The following SRGAP3 variants were observed in gnomAD, a reference collection of about 807,000 sequenced individuals.
SRGAP3 encodes the protein SLIT-ROBO Rho GTPase-activating protein 3.
SRGAP3 carries 39 observed loss-of-function variants against 121.1 expected under a neutral mutation model. The observed-to-expected ratio is 0.32, with a 90% CI of 0.25 to 0.42. SRGAP3 has a LOEUF of 0.42. SRGAP3 is among the 10% of genes least tolerant of loss of function. The probability of loss-of-function intolerance (pLI) is 1.00; values close to 1 mark genes in which losing one functional copy is unlikely to be tolerated. For synonymous variants in SRGAP3, 601 were observed against 570.0 expected (o/e 1.05, Z -0.77); for missense variants, 1,213 against 1,470.6 (o/e 0.82, Z 2.86).
chr3:9,122,708 CAAAAAAAAAA>C (rs1243147025), intron 2 of SRGAP3, among the ~76,000 whole-genome samples: 3 of 66,214 alleles, frequency 4.5e-5, no homozygotes, highest in Non-Finnish European at 9.9e-5. Context: ...GACTCCGTCT[CAAAAAAAAAA>C]AAAAAAAAGG....
At chr3:9,345,242 G>C (rs1955862900) in intron 1 of SRGAP3, among the ~76,000 whole-genome samples, 1 of 152,148 alleles carries the variant, frequency 6.6e-6, no homozygotes, top group Admixed American at 6.5e-5. Context: ...TGTAATCTCA[G>C]CAATTCGGGA....
rs747680361 is a variant in SRGAP3, at chr3:9,015,554, T to C, written c.1813+43A>G. On this transcript the variant is annotated intron_variant, in intron 15 of 21. Transcript: ENST00000383836. ...TAAGCCTGTAGCTCAACTCCAACAA[T>C]GATTTGTCAAAAAACTGATCATTTC... The C allele has an allele frequency of 1.1e-5, 18 of 1,612,222 alleles. No individual in the cohort carries two copies. In the Middle Eastern group the frequency reaches 1.1e-3, roughly 98 times the overall value.
chr3:9,215,641 C>T (rs1014411153), intron 1 of SRGAP3, among the ~76,000 whole-genome samples: 1 of 152,224 alleles, frequency 6.6e-6, no homozygotes, highest in Non-Finnish European at 1.5e-5. Context: ...TGTGGGTTGG[C>T]ACCAGCCAAT....
intron 1 of SRGAP3, among the ~76,000 whole-genome samples, chr3:9,216,383 T>C (rs1952626587): frequency 6.6e-6 from 1 of 152,138 alleles, no homozygotes; most frequent in South Asian, 2.1e-4. Flanking sequence ...ATCTGCAATA[T>C]AAGGGACAGT....
In SRGAP3 at chr3:9,093,964, C is replaced by T. The variant is rs370443336; in HGVS notation, c.423+10716G>A. Among the ~76,000 whole-genome samples the T allele has an allele frequency of 6.6e-5, 10 of 152,260 alleles. No individual in the cohort carries two copies. In the South Asian group the frequency reaches 2.1e-3, roughly 32 times the overall value. ...AAAACATGCAGAAAAGGAGAGCGAA[C>T]AATAACAAACACCCAGGAACACATC... On this transcript the variant is annotated intron_variant, in intron 3 of 21. Transcript: ENST00000383836.
intron 14 of SRGAP3, 59 bp from the exon 15 acceptor site, chr3:9,015,790 C>T: frequency 6.2e-7 from 1 of 1,606,696 alleles, no homozygotes; most frequent in East Asian, 2.2e-5. Flanking sequence ...AGAGAACGTG[C>T]AGATGGCCGA....
At chr3:9,238,528 G>C (rs1238534004) in intron 1 of SRGAP3, among the ~76,000 whole-genome samples, 1 of 152,140 alleles carries the variant, frequency 6.6e-6, no homozygotes, top group African/African-American at 2.4e-5. Context: ...AGATTTCCTA[G>C]ACCAAAGTGG....
intron 8 of SRGAP3, among the ~76,000 whole-genome samples, chr3:9,055,035 C>T (rs1945752997): frequency 6.6e-6 from 1 of 152,146 alleles, no homozygotes; most frequent in Non-Finnish European, 1.5e-5. Flanking sequence ...ACATACTATT[C>T]CGTGTAAACA....
chr3:9,246,610 C>A (rs1358854779), intron 1 of SRGAP3, among the ~76,000 whole-genome samples: 1 of 152,164 alleles, frequency 6.6e-6, no homozygotes, highest in Non-Finnish European at 1.5e-5. Context: ...TCACACTAAC[C>A]CTACTGTACA....
At chr3:9,182,626 T>A (rs951256459) in intron 1 of SRGAP3, among the ~76,000 whole-genome samples, 3 of 152,116 alleles carry the variant, frequency 2.0e-5, no homozygotes, top group African/African-American at 7.2e-5. Context: ...AATACAAATA[T>A]TTATTTTAAA....
rs1949151123 is a variant in SRGAP3, at chr3:9,124,676, C to T, written c.260+49G>A. 6.2e-6 allele frequency: 10 copies of T among 1,610,960 alleles called. No homozygotes were observed. In the East Asian group the frequency reaches 2.2e-4, roughly 36 times the overall value. ...TCTGCTTTGCCACCAACTGTCCGCC[C>T]ACCCCAGTGCTGCCTCCCATCTCTG... On this transcript the variant is annotated intron_variant, in intron 2 of 21. Coordinates refer to ENST00000383836, the MANE Select transcript of SRGAP3 (RefSeq NM_014850.4).
chr3:9,332,368 C>T lies in SRGAP3; in HGVS notation n.215-1772G>A, dbSNP rs145340010. Among the ~76,000 whole-genome samples the T allele has an allele frequency of 1.1e-3, 167 of 152,344 alleles. 1 individual carries two copies. Among genetic ancestry groups the T allele is most frequent in the Non-Finnish European group, 2.1e-3 (142 of 68,028 alleles). On this transcript the variant is annotated intron_variant and non_coding_transcript_variant, in intron 1 of 3. Transcript: ENST00000490889. ...CTCCCAACCTCAAGTGATCCACCTG[C>T]CTTGGCCTTCCAAAGTGCTGGGGTT...
At chr3:9,019,387 T>G (rs1943799950) in intron 14 of SRGAP3, among the ~76,000 whole-genome samples, 1 of 152,228 alleles carries the variant, frequency 6.6e-6, no homozygotes, top group Non-Finnish European at 1.5e-5. Context: ...TGTTTTGAAT[T>G]TTTGCCAGTT....
chr3:9,250,149 G>A (rs1484978602), upstream of SRGAP3, among the ~76,000 whole-genome samples: 1 of 152,134 alleles, frequency 6.6e-6, no homozygotes, highest in African/African-American at 2.4e-5. Context: ...TGGGGCTCTG[G>A]GCAAATTCAT....
In SRGAP3 at chr3:9,218,873, A is replaced by C. The variant is rs1952714747; in HGVS notation, c.67+30012T>G. 6.6e-6 allele frequency among the ~76,000 whole-genome samples: 1 copy of C among 152,108 alleles called. No individual in the cohort carries two copies. Among genetic ancestry groups the C allele is most frequent in the South Asian group, 2.1e-4 (1 of 4,828 alleles). On this transcript the variant is annotated intron_variant, in intron 1 of 21. Transcript: ENST00000383836. The surrounding 1 kb of genome is among the most constrained non-coding windows in gnomAD (Gnocchi z 5.3). ...TTTTTAGTAGAGATGGGGTTTCACC[A>C]TGTTGGCCAGGCTGGTCTCAAACTC...
intron 1 of SRGAP3, among the ~76,000 whole-genome samples, chr3:9,219,830 G>A (rs1203557728): frequency 1.3e-5 from 2 of 152,038 alleles, no homozygotes; most frequent in Non-Finnish European, 2.9e-5. Context: ...CAGCCTGGGC[G>A]ACAGAGTACA....
At chr3:9,245,909 G>A (rs2125243756) in intron 1 of SRGAP3, among the ~76,000 whole-genome samples, 1 of 152,280 alleles carries the variant, frequency 6.6e-6, no homozygotes, top group Middle Eastern at 3.4e-3. Context: ...GGACGACACA[G>A]AGAGACTCTG....
chr3:9,173,959 T>C (rs1233142609), intron 1 of SRGAP3, among the ~76,000 whole-genome samples: 1 of 152,078 alleles, frequency 6.6e-6, no homozygotes. Context: ...GTACACAGTG[T>C]TCACAGGAGC....
chr3:9,197,074 C>T (rs969155890), intron 1 of SRGAP3, among the ~76,000 whole-genome samples: 1 of 152,214 alleles, frequency 6.6e-6, no homozygotes, highest in Non-Finnish European at 1.5e-5. Flanking sequence ...AAGCCACCTT[C>T]CCTTTTAAAT....
Sources: allele counts gnomAD v4.1 joint callset (sites outside exome capture counted in the v4.1 genomes callset), GRCh38; gene constraint gnomAD v4.1.1; non-coding constraint Gnocchi (gnomAD v3.1); transcripts MANE v1.5; gene names NCBI Gene and HGNC (gene_info 2026-07-23, HGNC 2026-07-21).